The following BICD1 variants were observed in gnomAD, a reference collection of about 807,000 sequenced individuals.
BICD1 encodes the protein BICD cargo adaptor 1, also known as protein bicaudal D homolog 1.
In BICD1, 35 loss-of-function variants were observed where a neutral mutation model predicts 92.5. That is an observed-to-expected ratio of 0.38 (90% confidence interval 0.29 to 0.50). The LOEUF (loss-of-function observed/expected upper bound fraction) is 0.50, where lower values mean the gene tolerates loss of function less well. BICD1 is among the 20% of genes least tolerant of loss of function. The pLI is 0.93. For missense variants in BICD1, 950 were observed against 1,189.8 expected, an observed-to-expected ratio of 0.80 and a Z score of 2.97; for synonymous variants, 429 against 465.1, an observed-to-expected ratio of 0.92 and a Z score of 1.00.
intron 6 of BICD1, 76 bp downstream of exon 6, chr12:32,334,743 G>T (rs1327278953): frequency 2.0e-6 from 3 of 1,498,382 alleles, no homozygotes; most frequent in African/African-American, 1.4e-5. Flanking sequence ...CTGCCTTTGT[G>T]CATGTTGAGT....
intron 3 of BICD1, among the ~76,000 whole-genome samples, chr12:32,298,182 C>CAA (rs34140328): frequency 0.33 from 42,942 of 131,776 alleles, 7,637 homozygotes; most frequent in Non-Finnish European, 0.43. Flanking sequence ...GACCCTGTCT[C>CAA]AAAAAAAAAA....
intron 8 of BICD1, 30 bp downstream of exon 8, chr12:32,339,009 T>G (rs1237017226): frequency 1.3e-6 from 2 of 1,567,454 alleles, no homozygotes; most frequent in Non-Finnish European, 1.7e-6. Flanking sequence ...GTGCATGTGA[T>G]GCAAATGATT....
chr12:32,373,934 G>T (rs1939833159), intron 9 of BICD1, among the ~76,000 whole-genome samples: 1 of 151,662 alleles, frequency 6.6e-6, no homozygotes, highest in Non-Finnish European at 1.5e-5. Context: ...TCTTTCTTGG[G>T]TGGACACAGT....
intron 1 of BICD1, among the ~76,000 whole-genome samples, chr12:32,155,980 A>G (rs991152561): frequency 3.3e-5 from 5 of 152,182 alleles, no homozygotes; most frequent in African/African-American, 1.2e-4. Context: ...TTGCATGGTG[A>G]TTTATAGATC....
chr12:32,298,135 A>T (rs1947923927), intron 3 of BICD1, among the ~76,000 whole-genome samples: 1 of 151,262 alleles, frequency 6.6e-6, no homozygotes, highest in Non-Finnish European at 1.5e-5. Flanking sequence ...GTGAGCTGTG[A>T]TCACACCTCT....
chr12:32,280,490 T>C (rs1405528602), intron 2 of BICD1, among the ~76,000 whole-genome samples: 2 of 152,212 alleles, frequency 1.3e-5, no homozygotes, highest in African/African-American at 4.8e-5. Flanking sequence ...GATATTTTAG[T>C]AAGTTTGTAC....
chr12:32,252,216 C>A (rs1206833814), intron 2 of BICD1, among the ~76,000 whole-genome samples: 1 of 116,528 alleles, frequency 8.6e-6, no homozygotes, highest in African/African-American at 3.4e-5. Flanking sequence ...TATTATATAT[C>A]TTGTATATAT....
intron 1 of BICD1, among the ~76,000 whole-genome samples, chr12:32,153,488 A>C (rs899787245): frequency 3.3e-5 from 5 of 152,186 alleles, no homozygotes; most frequent in East Asian, 1.9e-4. Context: ...CAGAAGAGGA[A>C]ACCCAAGAAC....
intron 6 of BICD1, among the ~76,000 whole-genome samples, chr12:32,336,910 G>T (rs990284926): frequency 2.6e-5 from 4 of 152,106 alleles, no homozygotes; most frequent in South Asian, 2.1e-4. Flanking sequence ...CCAGGAGTTC[G>T]AGACCAGTCT....
At chr12:32,283,411 C>G (rs1947473384) in intron 2 of BICD1, among the ~76,000 whole-genome samples, 1 of 152,164 alleles carries the variant, frequency 6.6e-6, no homozygotes, top group South Asian at 2.1e-4. Flanking sequence ...CCACGAGTTA[C>G]AGCTGAAACT....
intron 2 of BICD1, among the ~76,000 whole-genome samples, chr12:32,249,795 A>G (rs1304193582): frequency 6.6e-6 from 1 of 151,612 alleles, no homozygotes; most frequent in African/African-American, 2.4e-5. Flanking sequence ...GTGTCTTCCA[A>G]TGTGATTTGA....
intron 1 of BICD1, among the ~76,000 whole-genome samples, chr12:32,114,685 AAATT>A (rs1306460427): frequency 2.6e-5 from 4 of 152,198 alleles, no homozygotes; most frequent in African/African-American, 9.6e-5. Flanking sequence ...TTAATAAAAA[AAATT>A]AATTTGTGCA....
intron 8 of BICD1, among the ~76,000 whole-genome samples, chr12:32,366,218 T>C (rs1288815934): frequency 2.0e-5 from 3 of 152,220 alleles, no homozygotes; most frequent in African/African-American, 4.8e-5. Context: ...TATAACAGAA[T>C]ATAACAGTGA....
At chr12:32,311,962 G>A (rs1948393754) in intron 4 of BICD1, among the ~76,000 whole-genome samples, 1 of 152,136 alleles carries the variant, frequency 6.6e-6, no homozygotes, top group Middle Eastern at 3.2e-3. Flanking sequence ...TTGATATACA[G>A]GGTTAAATAA....
Position 32,378,832 on chromosome 12 carries a change from A to G in BICD1, c.*1205A>G, listed in dbSNP as rs1023729776. 2 of 152,220 alleles carry G rather than the reference A, an allele frequency of 1.3e-5. No homozygotes were observed. The highest frequency in any genetic ancestry group is 2.4e-5 in the African/African-American group (1 of 41,450). 9.4% of individuals were successfully genotyped at this position (152,220 alleles called of 1,614,324 possible). ...ACACTCAGGTGCCTACAAACATTCT[A>G]TTATCTTGAGATAATACATGTTCCT... On this transcript the variant is annotated 3_prime_UTR_variant, in exon 10 of 10. Coordinates refer to ENST00000652176, the MANE Select transcript of BICD1 (RefSeq NM_001714.4).
Position 32,107,653 on chromosome 12 carries a change from T to G in BICD1, c.213+109T>G, listed in dbSNP as rs769338457. 10 of 1,184,162 alleles carry G rather than the reference T, an allele frequency of 8.4e-6. No individual in the cohort carries two copies. In the South Asian group the frequency reaches 1.3e-4, roughly 15 times the overall value. The allele number at this position is 1,184,162 out of a possible 1,614,324, so 73.4% of individuals were successfully genotyped here. A position where few individuals can be genotyped will look rare whatever the true frequency, so the allele number is the denominator to read the frequency against. On this transcript the variant is annotated intron_variant, in intron 1 of 9. Transcript: ENST00000652176. ...AGGAGGTGATTGAAAGGACTGTTTTTTCTTCTAGGGCCCTTTGTTGGTAAG... is the reference window on the plus strand; with the variant it reads ...AGGAGGTGATTGAAAGGACTGTTTTGTCTTCTAGGGCCCTTTGTTGGTAAG...
At chr12:32,278,834 C>CGACA (rs1484033857) in intron 2 of BICD1, among the ~76,000 whole-genome samples, 5 of 151,716 alleles carry the variant, frequency 3.3e-5, no homozygotes, top group African/African-American at 7.3e-5. Flanking sequence ...CCAGCCTGGG[C>CGACA]GACAGAGCGA....
rs1364373686 is a variant in BICD1, at chr12:32,337,526, T to A, written c.2280T>A (p.Asp760Glu). 2 of 1,612,310 alleles carry A rather than the reference T, an allele frequency of 1.2e-6. No individual in the cohort carries two copies. The highest frequency in any genetic ancestry group is 1.7e-6 in the Non-Finnish European group (2 of 1,178,526). The part of the protein sequence containing the change: ...TRCDEYVTQL[D>E]EMQRQLAAAE... The stretch of plus-strand genomic sequence containing the variant: ...GTGATGAATATGTCACCCAGTTGGA[T>A]GAGATGCAGAGACAGTTAGCAGCTG... Residue 760 changes from aspartate to glutamate, a missense_variant, in exon 7 of 10, where the codon GAT becomes GAA. By Grantham distance (45) the Asp-to-Glu change is conservative (BLOSUM62 2). Transcript: ENST00000652176. This position sits in a 1 kb window ranked among gnomAD's most constrained non-coding sequence, Gnocchi z 4.7.
At position 32,306,133 on chromosome 12, in the gene BICD1, T is replaced by G. The variant is rs575147257; in HGVS notation, c.1005+11T>G. 6 of 1,562,222 alleles carry G rather than the reference T, an allele frequency of 3.8e-6. No individual in the cohort carries two copies. The East Asian group carries it at 9.0e-5, about 23-fold the overall frequency. ...CAGCAGCTTATGCAGGTAAGAACTT[T>G]GTTTAGGGCCGCTAGAGTGAATTTC... On this transcript the variant is annotated intron_variant, in intron 4 of 9. Coordinates refer to ENST00000652176, the MANE Select transcript of BICD1 (RefSeq NM_001714.4).
Sources: allele counts gnomAD v4.1 joint callset (sites outside exome capture counted in the v4.1 genomes callset), GRCh38; gene constraint gnomAD v4.1.1; non-coding constraint Gnocchi (gnomAD v3.1); transcripts MANE v1.5; gene names NCBI Gene and HGNC (gene_info 2026-07-23, HGNC 2026-07-21).